OPHN1: variants seen among roughly 807,000 people sequenced by gnomAD.
OPHN1 encodes oligophrenin-1.
Under a neutral mutation model 60.7 loss-of-function variants are expected in OPHN1, and 11 were observed. That is an observed-to-expected ratio of 0.18 (90% confidence interval 0.11 to 0.30). OPHN1 has a LOEUF of 0.30. Among genes scored for constraint, OPHN1 ranks in the 10% least tolerant of loss-of-function variants. OPHN1 has a pLI of 1.00. For missense variants in OPHN1, 449 were observed against 611.0 expected, an observed-to-expected ratio of 0.73 and a Z score of 2.80; for synonymous variants, 226 against 222.6, an observed-to-expected ratio of 1.02 and a Z score of -0.14.
At chrX:68,153,922 T>G (rs1039719246) in intron 15 of OPHN1, among the ~76,000 whole-genome samples, 8 of 111,761 alleles carry the variant, frequency 7.2e-5, no homozygotes, top group Non-Finnish European at 1.5e-4. Context: ...AGAATAATAT[T>G]AACATTTTTC....
At chrX:68,087,072 C>G (rs1283199684) in intron 19 of OPHN1, among the ~76,000 whole-genome samples, 1 of 112,050 alleles carries the variant, frequency 8.9e-6, no homozygotes, top group Non-Finnish European at 1.9e-5. Context: ...TCCAAAACTC[C>G]AGAAAAAGGA....
intron 5 of OPHN1, among the ~76,000 whole-genome samples, chrX:68,266,012 G>C (rs186115740): frequency 9.0e-6 from 1 of 111,692 alleles, no homozygotes; most frequent in African/African-American, 3.3e-5. Context: ...AAGCCTCCAA[G>C]AAATATGGGA....
chrX:68,187,893 C>T (rs962179938), intron 15 of OPHN1, among the ~76,000 whole-genome samples: 18 of 112,101 alleles, frequency 1.6e-4, no homozygotes, highest in South Asian at 3.7e-4. Flanking sequence ...TCCCAAAGTG[C>T]GGGGATTACA....
intron 2 of OPHN1, among the ~76,000 whole-genome samples, chrX:68,419,635 G>C (rs148291886): frequency 0.045 from 4,788 of 106,541 alleles, 109 homozygotes; most frequent in Middle Eastern, 0.071. Context: ...CTGCCTCCTG[G>C]GCTCAAGCCA....
Position 68,433,162 on chromosome X carries a change from AGGTACCT to A in OPHN1, c.-6_-5+5del. On this transcript the variant is annotated splice_donor_variant and splice_donor_5th_base_variant and 5_prime_UTR_variant and intron_variant, in exon 1 of 25. Transcript: ENST00000355520. LOFTEE classifies it low-confidence loss of function (5UTR_SPLICE). ...CATAGCCTCCGTCCCTTTGGAGGACAGGTACCTGTTTCAGTGAGACTCCTGAGGAGCG... is the reference window on the plus strand; with the variant it reads ...CATAGCCTCCGTCCCTTTGGAGGACAGTTTCAGTGAGACTCCTGAGGAGCG... The A allele has an allele frequency of 1.6e-6, 1 of 623,121 alleles. No individual in the cohort carries two copies. The highest frequency in any genetic ancestry group is 2.4e-6 in the Non-Finnish European group (1 of 417,524). 51.4% of individuals were successfully genotyped at this position (623,121 alleles called of 1,213,427 possible). A position where few individuals can be genotyped will look rare whatever the true frequency, so the allele number is the denominator to read the frequency against.
intron 5 of OPHN1, among the ~76,000 whole-genome samples, chrX:68,263,319 C>A (rs2077903940): frequency 8.9e-6 from 1 of 111,871 alleles, no homozygotes; most frequent in African/African-American, 3.2e-5. Flanking sequence ...GAAACCTCTT[C>A]ATATGCCAGT....
intron 5 of OPHN1, among the ~76,000 whole-genome samples, chrX:68,273,220 T>C (rs1350925440): frequency 8.9e-6 from 1 of 111,900 alleles, no homozygotes; most frequent in African/African-American, 3.2e-5. Flanking sequence ...AAACTTGCTG[T>C]TTTCAAATTC....
At chrX:68,049,479 C>A (rs1408326240) in intron 23 of OPHN1, among the ~76,000 whole-genome samples, 1 of 111,696 alleles carries the variant, frequency 9.0e-6, no homozygotes. Flanking sequence ...GAGTCTTTCT[C>A]AAATCTGTCC....
chrX:68,263,487 A>G (rs952337108), intron 5 of OPHN1, among the ~76,000 whole-genome samples: 7 of 112,077 alleles, frequency 6.2e-5, no homozygotes, highest in Non-Finnish European at 1.3e-4. Flanking sequence ...TTCTATTACC[A>G]GTACTAACAA....
intron 15 of OPHN1, among the ~76,000 whole-genome samples, chrX:68,146,927 T>C (rs191144989): frequency 1.4e-3 from 161 of 112,298 alleles, no homozygotes; most frequent in Middle Eastern, 9.3e-3. Context: ...TATATGTACA[T>C]ATGGCAACTG....
In OPHN1 at chrX:68,158,425, T is replaced by G. The variant is rs2077319735; in HGVS notation, c.1276+34494A>C. 1.2e-4 allele frequency among the ~76,000 whole-genome samples: 13 copies of G among 112,220 alleles called. No homozygotes were observed. The South Asian group carries it at 4.9e-3, about 42-fold the overall frequency. On this transcript the variant is annotated intron_variant, in intron 15 of 24. Coordinates refer to ENST00000355520, the MANE Select transcript of OPHN1 (RefSeq NM_002547.3). ...GACTGTTATTATTACAGTATACTTTTTGTATGTCAAATGTTTCTCCACGTT... is the reference window on the plus strand; with the variant it reads ...GACTGTTATTATTACAGTATACTTTGTGTATGTCAAATGTTTCTCCACGTT...
chrX:68,049,981 G>A (rs150753101), intron 23 of OPHN1, among the ~76,000 whole-genome samples: 2,689 of 112,070 alleles, frequency 0.024, 82 homozygotes, highest in African/African-American at 0.083. Context: ...TCATTCAAAC[G>A]CTAGGCCGTA....
chrX:68,349,979 A>G (rs1269201658), intron 2 of OPHN1, among the ~76,000 whole-genome samples: 2 of 111,209 alleles, frequency 1.8e-5, no homozygotes. Flanking sequence ...TGAGGAGTGC[A>G]GCAAACCACC....
chrX:68,148,033 G>T (rs1225075226), intron 15 of OPHN1, among the ~76,000 whole-genome samples: 1 of 111,348 alleles, frequency 9.0e-6, no homozygotes, highest in Admixed American at 9.6e-5. Flanking sequence ...AAGGCTTAGT[G>T]CTATGGACTG....
chrX:68,089,057 C>T (rs1257759408), intron 19 of OPHN1, among the ~76,000 whole-genome samples: 1 of 111,200 alleles, frequency 9.0e-6, no homozygotes, highest in African/African-American at 3.3e-5. Flanking sequence ...AAAAGTCCAC[C>T]CGATCTCTCA....
Position 68,053,687 on chromosome X carries a change from G to A in OPHN1, c.2282C>T (p.Pro761Leu). 2 of 1,211,596 alleles carry A rather than the reference G, an allele frequency of 1.7e-6. No individual in the cohort carries two copies. ...AATPQKPEPK[P>L]DIVAGNAGEI... ...CCCCGCATTGCCAGCCACAATATCT[G>A]GCTTTGGTTCTGGCTTTTGGGGAGT... is the stretch of plus-strand genomic sequence containing the variant. The change falls in exon 22 of 25, where the codon CCA becomes CTA. Residue 761 changes from proline to leucine, a missense_variant. This residue lies in a region of OPHN1 where 184 missense variants were observed against 160.5 expected (regional missense o/e 1.15). Transcript: ENST00000355520.
At chrX:68,300,204 T>C (rs2078113518) in intron 2 of OPHN1, among the ~76,000 whole-genome samples, 1 of 111,624 alleles carries the variant, frequency 9.0e-6, no homozygotes. Flanking sequence ...AAACCTATCA[T>C]ATGCATGGAC....
chrX:68,301,175 G>T (rs766016474), intron 2 of OPHN1, among the ~76,000 whole-genome samples: 2 of 111,675 alleles, frequency 1.8e-5, no homozygotes, highest in Admixed American at 9.6e-5. Context: ...GCCGGGTGTG[G>T]TGGCTCACGC....
intron 20 of OPHN1, among the ~76,000 whole-genome samples, chrX:68,069,996 T>C (rs773308497): frequency 7.2e-5 from 8 of 111,585 alleles, no homozygotes; most frequent in Non-Finnish European, 1.5e-4. Context: ...AAGAATAAAA[T>C]GCAAATTTTA....
Sources: allele counts gnomAD v4.1 joint callset (sites outside exome capture counted in the v4.1 genomes callset), GRCh38; gene constraint gnomAD v4.1.1; regional missense constraint gnomAD v4.1.1; transcripts MANE v1.5; gene names NCBI Gene and HGNC (gene_info 2026-07-23, HGNC 2026-07-21).